SEC61A2: variants seen among roughly 807,000 people sequenced by gnomAD.
The protein encoded by SEC61A2 is SEC61 translocon subunit alpha 2, also known as protein transport protein Sec61 subunit alpha isoform 2.
A neutral mutation model predicts 59.9 loss-of-function variants in SEC61A2; 28 were observed. The observed-to-expected ratio is 0.47, with a 90% confidence interval of 0.35 to 0.64. The LOEUF (loss-of-function observed/expected upper bound fraction) is 0.64. Ranked by LOEUF, SEC61A2 falls within the 30% of genes least tolerant of loss-of-function variation. The probability of loss-of-function intolerance (pLI) is 0.01; values close to 1 mark genes in which losing one functional copy is unlikely to be tolerated. For synonymous variants in SEC61A2, 202 were observed against 214.4 expected, an observed-to-expected ratio of 0.94 and a Z score of 0.50; for missense variants, 340 against 585.9, an observed-to-expected ratio of 0.58 and a Z score of 4.33.
intron 3 of SEC61A2, among the ~76,000 whole-genome samples, chr10:12,140,804 G>A (rs1189854049): frequency 1.3e-5 from 2 of 151,980 alleles, no homozygotes; most frequent in African/African-American, 2.4e-5. Flanking sequence ...GTTTCACTGT[G>A]TTAATCAGGA....
upstream of SEC61A2, chr10:12,129,667 C>A: frequency 3.0e-6 from 3 of 991,846 alleles, no homozygotes; most frequent in Non-Finnish European, 4.4e-6. The surrounding 1 kb of genome is among the most constrained non-coding windows in gnomAD (Gnocchi z 5.6). Flanking sequence ...CGGGGTTGGG[C>A]GGAGCCTGCG....
chr10:12,162,546 A>C lies in SEC61A2; in HGVS notation c.1244+257A>C. 1.6e-6 allele frequency: 1 copy of C among 618,500 alleles called. No individual in the cohort carries two copies. Among genetic ancestry groups the C allele is most frequent in the South Asian group, 1.6e-5 (1 of 63,276 alleles). The allele number at this position is 618,500 out of a possible 1,614,324, so 38.3% of individuals were successfully genotyped here. ...GCTGTTCTCAGCATTGGCTGGCTGC[A>C]CATACAATCACCAGAGAGCTTTTAA... On this transcript the variant is annotated intron_variant, in intron 11 of 11. Coordinates refer to ENST00000298428, the MANE Select transcript of SEC61A2 (RefSeq NM_018144.4). This position sits in a 1 kb window ranked among gnomAD's most constrained non-coding sequence, Gnocchi z 6.1.
At chr10:12,141,175 C>CG (rs1180520220) in intron 3 of SEC61A2, among the ~76,000 whole-genome samples, 2 of 152,210 alleles carry the variant, frequency 1.3e-5, no homozygotes, top group Non-Finnish European at 2.9e-5. Context: ...ACTGGTGTTA[C>CG]AGGCCTGAGC....
At chr10:12,137,484 T>C (rs73579283) in intron 3 of SEC61A2, among the ~76,000 whole-genome samples, 132 of 152,088 alleles carry the variant, frequency 8.7e-4, no homozygotes, top group African/African-American at 3.1e-3. Flanking sequence ...TCTTTTGGTA[T>C]TGTAGAGATG....
At chr10:12,140,851 C>G (rs541555699) in intron 3 of SEC61A2, among the ~76,000 whole-genome samples, 6 of 151,940 alleles carry the variant, frequency 3.9e-5, no homozygotes, top group African/African-American at 1.2e-4. Context: ...CCACCCATCT[C>G]GACCTCCCAA....
chr10:12,161,204 G>A lies in SEC61A2; in HGVS notation c.1167+83G>A. 1 of 1,088,268 alleles carries A rather than the reference G, an allele frequency of 9.2e-7. No individual in the cohort carries two copies. Among genetic ancestry groups the A allele is most frequent in the Non-Finnish European group, 1.3e-6 (1 of 758,960 alleles). The allele number at this position is 1,088,268 out of a possible 1,614,324, so 67.4% of individuals were successfully genotyped here. A position where few individuals can be genotyped will look rare whatever the true frequency, so the allele number is the denominator to read the frequency against. On this transcript the variant is annotated intron_variant, in intron 10 of 11. Transcript: ENST00000298428. This position sits in a 1 kb window ranked among gnomAD's most constrained non-coding sequence, Gnocchi z 5.4. ...TGTAATCGTAGCACTTTGGCAGGCT[G>A]AGGCCGCTGGATCGCTTCACCTCAG... is the stretch of plus-strand genomic sequence containing the variant.
chr10:12,133,102 C>T (rs1046039422), intron 1 of SEC61A2, 139 bp from the exon 2 acceptor site: 4 of 537,476 alleles, frequency 7.4e-6, no homozygotes, highest in Admixed American at 6.5e-5. Flanking sequence ...AAATGGAGAA[C>T]AGTATGATGA....
Position 12,130,582 on chromosome 10 carries a change from C to T in SEC61A2, c.7+788C>T, listed in dbSNP as rs556775354. On this transcript the variant is annotated intron_variant, in intron 1 of 11. Transcript: ENST00000298428. ...AAAGCTTTGCTTGAACATGAATACC[C>T]CTTACAGATGATCATAAAGTGTCAA... is the stretch of plus-strand genomic sequence containing the variant. Among the ~76,000 whole-genome samples, 167 of 152,200 alleles carry T rather than the reference C, an allele frequency of 1.1e-3. 1 individual carries two copies. The highest frequency in any genetic ancestry group is 3.9e-3 in the African/African-American group (160 of 41,514).
At chr10:12,167,641 A>G (rs545055752), downstream of SEC61A2, 1 of 1,474,080 alleles carries the variant, frequency 6.8e-7, no homozygotes, top group African/African-American at 1.4e-5. Flanking sequence ...TTGAATACAA[A>G]GTCTTAGTGA....
At chr10:12,136,226 G>T in intron 3 of SEC61A2, 56 bp downstream of exon 3, 2 of 1,165,602 alleles carry the variant, frequency 1.7e-6, no homozygotes, top group Non-Finnish European at 2.5e-6. Flanking sequence ...GGTTTTGATT[G>T]GTTAGAATTT....
chr10:12,130,549 G>A (rs10906082), intron 1 of SEC61A2, among the ~76,000 whole-genome samples: 3 of 152,024 alleles, frequency 2.0e-5, no homozygotes, highest in Admixed American at 6.6e-5. Flanking sequence ...ATAGACAGGG[G>A]GCAGCCAAAA....
chr10:12,140,146 A>G (rs564112677), intron 3 of SEC61A2, among the ~76,000 whole-genome samples: 317 of 152,284 alleles, frequency 2.1e-3, no homozygotes, highest in Middle Eastern at 0.01. Flanking sequence ...ATTATGTTCC[A>G]GTGAGAGGTT....
Position 12,143,334 on chromosome 10 carries a change from A to C in SEC61A2, c.220+139A>C. The C allele has an allele frequency of 1.4e-6, 1 of 697,356 alleles. No homozygotes were observed. The highest frequency in any genetic ancestry group is 2.1e-5 in the Admixed American group (1 of 47,274). The allele number at this position is 697,356 out of a possible 1,614,324, so 43.2% of individuals were successfully genotyped here. A position where few individuals can be genotyped will look rare whatever the true frequency, so the allele number is the denominator to read the frequency against. On this transcript the variant is annotated intron_variant, in intron 4 of 11. Coordinates refer to ENST00000298428, the MANE Select transcript of SEC61A2 (RefSeq NM_018144.4). This position sits in a 1 kb window ranked among gnomAD's most constrained non-coding sequence, Gnocchi z 4.8. ...AAAAGCCTAGTATGTAGATAATGACAACACCGTGTGATTAATGTAATCATA... is the reference window on the plus strand; with the variant it reads ...AAAAGCCTAGTATGTAGATAATGACCACACCGTGTGATTAATGTAATCATA...
At chr10:12,134,909 ACT>A (rs1833851001) in intron 2 of SEC61A2, among the ~76,000 whole-genome samples, 1 of 149,594 alleles carries the variant, frequency 6.7e-6, no homozygotes, top group Non-Finnish European at 1.5e-5. Context: ...ACAGGGTGAG[ACT>A]CTGTCTCAAA....
At position 12,153,573 on chromosome 10, in the gene SEC61A2, T is replaced by TA. The variant is rs560964290; in HGVS notation, c.463-2204dup. Among the ~76,000 whole-genome samples the TA allele has an allele frequency of 1.8e-4, 27 of 152,348 alleles. No homozygotes were observed. The East Asian group carries it at 5.0e-3, about 28-fold the overall frequency. On this transcript the variant is annotated intron_variant, in intron 6 of 11. Coordinates refer to ENST00000298428, the MANE Select transcript of SEC61A2 (RefSeq NM_018144.4). The surrounding 1 kb of genome is among the most constrained non-coding windows in gnomAD (Gnocchi z 5.2). ...TCAGTATTCAGAAATCAGAAATACT[T>TA]ACAGTCCAAGAATGAAACAAGTGAA...
At chr10:12,139,779 G>A (rs373826382) in intron 3 of SEC61A2, among the ~76,000 whole-genome samples, 22 of 143,592 alleles carry the variant, frequency 1.5e-4, no homozygotes, top group Middle Eastern at 3.8e-3. Flanking sequence ...GCGAGACTCC[G>A]TCTCAAAAAA....
Position 12,153,656 on chromosome 10 carries a change from C to T in SEC61A2, c.463-2122C>T, listed in dbSNP as rs1834331700. The T allele has an allele frequency of 4.1e-6, 6 of 1,465,962 alleles. No homozygotes were observed. Among genetic ancestry groups the T allele is most frequent in the East Asian group, 2.3e-5 (1 of 42,680 alleles). 90.8% of individuals were successfully genotyped at this position (1,465,962 alleles called of 1,614,324 possible). A position where few individuals can be genotyped will look rare whatever the true frequency, so the allele number is the denominator to read the frequency against. On this transcript the variant is annotated intron_variant, in intron 6 of 11. Coordinates refer to ENST00000298428, the MANE Select transcript of SEC61A2 (RefSeq NM_018144.4). The surrounding 1 kb of genome is among the most constrained non-coding windows in gnomAD (Gnocchi z 5.2). ...TGATACACAAATATGCGTGTTATGG[C>T]TAATTCTTCTAATGTTAATATATAA... is the stretch of plus-strand genomic sequence containing the variant.
chr10:12,157,214 G>T, intron 8 of SEC61A2, 147 bp downstream of exon 8: 1 of 722,264 alleles, frequency 1.4e-6, no homozygotes, highest in Non-Finnish European at 2.3e-6. Context: ...TCCAGACTCT[G>T]ATTTTAAGGT....
At chr10:12,148,822 C>A (rs1016934508) in intron 4 of SEC61A2, among the ~76,000 whole-genome samples, 1 of 152,182 alleles carries the variant, frequency 6.6e-6, no homozygotes, top group Non-Finnish European at 1.5e-5. Context: ...CCACGCCTGG[C>A]CAATAAATCT....
Sources: allele counts gnomAD v4.1 joint callset (sites outside exome capture counted in the v4.1 genomes callset), GRCh38; gene constraint gnomAD v4.1.1; non-coding constraint Gnocchi (gnomAD v3.1); transcripts MANE v1.5; gene names NCBI Gene and HGNC (gene_info 2026-07-23, HGNC 2026-07-21).